The following NF1 variants were observed in gnomAD, a reference collection of about 807,000 sequenced individuals.
NF1 encodes neurofibromin.
Under a neutral mutation model 325.7 loss-of-function variants are expected in NF1, and 122 were observed. The observed-to-expected ratio is 0.37, with a 90% confidence interval of 0.32 to 0.44. The LOEUF is 0.44. Among genes scored for constraint, NF1 ranks in the 20% least tolerant of loss-of-function variants. NF1 has a pLI of 1.00. For missense variants in NF1, 2,140 were observed against 3,415.4 expected (o/e 0.63, Z 9.31); for synonymous variants, 1,091 against 1,186.0 (o/e 0.92, Z 1.65).
chr17:31,205,379 C>T (rs2143908007), intron 11 of NF1, among the ~76,000 whole-genome samples: 1 of 152,172 alleles, frequency 6.6e-6, no homozygotes, highest in East Asian at 1.9e-4. Context: ...CATTTTAGGT[C>T]ATTTAATGCA....
intron 31 of NF1, among the ~76,000 whole-genome samples, chr17:31,255,457 C>G (rs1038442451): frequency 3.3e-5 from 5 of 151,696 alleles, no homozygotes; most frequent in African/African-American, 9.7e-5. Flanking sequence ...ACTTACGAAA[C>G]TTGTTATGTA....
intron 36 of NF1, among the ~76,000 whole-genome samples, chr17:31,322,640 T>G (rs2069240752): frequency 6.7e-6 from 1 of 148,866 alleles, no homozygotes; most frequent in South Asian, 2.2e-4. Flanking sequence ...CTGGGTAACA[T>G]AGCAAGACTC....
intron 8 of NF1, among the ~76,000 whole-genome samples, chr17:31,188,134 T>G (rs1257539676): frequency 6.6e-6 from 1 of 152,132 alleles, no homozygotes; most frequent in African/African-American, 2.4e-5. Context: ...AATGAAGGTT[T>G]GGGTCACTCT....
intron 1 of NF1, among the ~76,000 whole-genome samples, chr17:31,118,954 G>C (rs562791534): frequency 1.7e-4 from 23 of 133,860 alleles, no homozygotes; most frequent in African/African-American, 5.3e-4. Context: ...TTTTTTTCTT[G>C]AGATGGAGTC....
intron 36 of NF1, 54 bp from the exon 37 acceptor site, chr17:31,325,766 A>G: frequency 2.3e-6 from 3 of 1,281,056 alleles, no homozygotes; most frequent in Non-Finnish European, 3.4e-6. Flanking sequence ...TGGCATCTGT[A>G]TATTTATTTT....
chr17:31,173,654 G>A (rs2065970766), intron 5 of NF1, among the ~76,000 whole-genome samples: 1 of 151,800 alleles, frequency 6.6e-6, no homozygotes. Context: ...TTAGATATAT[G>A]AGGTTAGAGA....
chr17:31,127,527 A>G (rs1914987936), intron 1 of NF1, among the ~76,000 whole-genome samples: 1 of 148,826 alleles, frequency 6.7e-6, no homozygotes, highest in South Asian at 2.1e-4. Flanking sequence ...TTTATACATG[A>G]TATTTAAAAA....
intron 36 of NF1, chr17:31,305,145 G>T (rs2068679547): frequency 6.2e-7 from 1 of 1,614,060 alleles, no homozygotes; most frequent in South Asian, 1.1e-5. Flanking sequence ...TTCTAGAAGG[G>T]ATCTGGACAG....
At chr17:31,334,785 T>C in intron 39 of NF1, 53 bp from the exon 40 acceptor site, 2 of 1,381,906 alleles carry the variant, frequency 1.4e-6, no homozygotes, top group Non-Finnish European at 2.1e-6. Flanking sequence ...GTTAAATAAT[T>C]GTTGATGTGA....
intron 1 of NF1, among the ~76,000 whole-genome samples, chr17:31,113,629 A>C (rs549995084): frequency 6.6e-6 from 1 of 152,270 alleles, no homozygotes; most frequent in East Asian, 1.9e-4. Flanking sequence ...TCCTGGGCTC[A>C]AGTGATCCTT....
chr17:31,282,571 G>A (rs917500523), intron 36 of NF1, among the ~76,000 whole-genome samples: 6 of 151,794 alleles, frequency 4.0e-5, no homozygotes, highest in Admixed American at 2.0e-4. Flanking sequence ...CTATGGATTT[G>A]CACAGTTTAG....
chr17:31,131,909 TG>T (rs1016759538), intron 1 of NF1, among the ~76,000 whole-genome samples: 1 of 151,534 alleles, frequency 6.6e-6, no homozygotes, highest in African/African-American at 2.4e-5. Context: ...TATTTTTTCA[TG>T]TTTTTTTTTC....
At chr17:31,211,203 G>T (rs1034056964) in intron 12 of NF1, among the ~76,000 whole-genome samples, 4 of 152,260 alleles carry the variant, frequency 2.6e-5, no homozygotes, top group South Asian at 4.1e-4. Flanking sequence ...ACATGTACCA[G>T]CTTCTATTCC....
At chr17:31,335,274 T>TTATATACATATATATATA (rs1325370174) in intron 40 of NF1, among the ~76,000 whole-genome samples, 74 of 6,656 alleles carry the variant, frequency 0.011, no homozygotes, top group Non-Finnish European at 0.02. Flanking sequence ...CAAGGCATAA[T>TTATATACATATATATATA]TATATATATA....
At chr17:31,317,454 T>A (rs964322622) in intron 36 of NF1, 12 of 151,562 alleles carry the variant, frequency 7.9e-5, no homozygotes, top group African/African-American at 2.9e-4. Flanking sequence ...CAAAAATTAA[T>A]CAACCTTTGG....
At chr17:31,218,941 C>G in intron 13 of NF1, 64 bp from the exon 14 acceptor site, 7 of 1,462,924 alleles carry the variant, frequency 4.8e-6, no homozygotes, top group Non-Finnish European at 6.6e-6. Flanking sequence ...TCTATTTCTT[C>G]CTCCTTCTAA....
intron 8 of NF1, among the ~76,000 whole-genome samples, chr17:31,191,118 A>G (rs1362805372): frequency 6.6e-6 from 1 of 152,228 alleles, no homozygotes; most frequent in African/African-American, 2.4e-5. Context: ...AGCATTAAAA[A>G]TATGTTGTAA....
In NF1 at chr17:31,336,585, T is replaced by G. The variant is rs1272575832; in HGVS notation, c.6148-50T>G. Reference sequence around the variant, plus strand: ...AACTGAACTTTTTTGTGCTAAAACTTTGAGTCCCATGTTTTTTTTTTTAAA... The same window carrying G: ...AACTGAACTTTTTTGTGCTAAAACTGTGAGTCCCATGTTTTTTTTTTTAAA... On this transcript the variant is annotated intron_variant, in intron 41 of 57. Coordinates refer to ENST00000358273, the MANE Select transcript of NF1 (RefSeq NM_001042492.3). This position sits in a 1 kb window ranked among gnomAD's most constrained non-coding sequence, Gnocchi z 5.5. 1 of 1,567,296 alleles carries G rather than the reference T, an allele frequency of 6.4e-7. No individual in the cohort carries two copies. Among genetic ancestry groups the G allele is most frequent in the Non-Finnish European group, 8.6e-7 (1 of 1,158,532 alleles).
At position 31,207,303 on chromosome 17, in the gene NF1, G is replaced by A. The variant is rs7215216; in HGVS notation, c.1392+932G>A. 3.2e-3 allele frequency among the ~76,000 whole-genome samples: 486 copies of A among 152,036 alleles called. 2 individuals carry two copies. Among genetic ancestry groups the A allele is most frequent in the African/African-American group, 0.011 (463 of 41,466 alleles). ...TCTTGTCATTTCAACTGAAAATATA[G>A]CATGTCTTCACCTGTTGGTTTTATC... On this transcript the variant is annotated intron_variant, in intron 12 of 57. Transcript: ENST00000358273.
Sources: allele counts gnomAD v4.1 joint callset (sites outside exome capture counted in the v4.1 genomes callset), GRCh38; gene constraint gnomAD v4.1.1; non-coding constraint Gnocchi (gnomAD v3.1); transcripts MANE v1.5; gene names NCBI Gene and HGNC (gene_info 2026-07-23, HGNC 2026-07-21).